Variants in MUC12 observed in about 807,000 individuals in gnomAD.
MUC12 encodes mucin-12.
MUC12 carries 172 observed loss-of-function variants against 230.8 expected under a neutral mutation model. The observed-to-expected ratio is 0.75, with a 90% CI of 0.66 to 0.85. The LOEUF (loss-of-function observed/expected upper bound fraction) is 0.85. Ranked by LOEUF, MUC12 falls within the 40% of genes least tolerant of loss-of-function variation. MUC12 has a pLI of 0.00. For synonymous variants in MUC12, 1,259 were observed against 2,401.9 expected, an observed-to-expected ratio of 0.52 and a Z score of 13.91; for missense variants, 3,506 against 5,920.6, an observed-to-expected ratio of 0.59 and a Z score of 13.38.
chr7:100,993,885 C>A lies in MUC12; in HGVS notation c.3322C>A (p.Pro1108Thr), dbSNP rs1333120848. 6.7e-7 allele frequency: 1 copy of A among 1,490,592 alleles called. No individual in the cohort carries two copies. The highest frequency in any genetic ancestry group is 2.1e-5 in the Admixed American group (1 of 47,588). The allele number at this position is 1,490,592 out of a possible 1,614,324, so 92.3% of individuals were successfully genotyped here. The change falls in exon 2 of 12, where the codon CCC becomes ACC. Residue 1108 changes from proline to threonine, a missense_variant. Transcript: ENST00000536621. ...GGCATCTACCACCTTCTACAGCAGCCCCAGATCACCAACCACAACACTCTC... is the reference window on the plus strand; with the variant it reads ...GGCATCTACCACCTTCTACAGCAGCACCAGATCACCAACCACAACACTCTC... The part of the protein sequence containing the change: ...SEASTTFYSS[P>T]RSPTTTLSPA...
Position 100,992,225 on chromosome 7 carries a change from C to A in MUC12, c.1662C>A (p.Ser554Arg), listed in dbSNP as rs375168389. 481 of 1,536,680 alleles carry A rather than the reference C, an allele frequency of 3.1e-4. No individual in the cohort carries two copies. The highest frequency in any genetic ancestry group is 6.0e-4 in the South Asian group (50 of 84,032). Residue 554 changes from serine to arginine, a missense_variant, in exon 2 of 12, where the codon AGC becomes AGA. Coordinates refer to ENST00000536621, the MANE Select transcript of MUC12 (RefSeq NM_001164462.2). ...GLSQESTASH[S>R]SPGPTDTTLS... is the part of the protein sequence containing the mutation. Reference sequence around the variant, plus strand: ...GTCAGGAATCTACAGCTTCCCACAGCAGCCCAGGCCCCACAGACACAACAT... The same window carrying A: ...GTCAGGAATCTACAGCTTCCCACAGAAGCCCAGGCCCCACAGACACAACAT...
chr7:100,992,176 G>A lies in MUC12; in HGVS notation c.1613G>A (p.Gly538Asp), dbSNP rs772138625. The change falls in exon 2 of 12, where the codon GGC becomes GAC. Residue 538 changes from glycine (G) to aspartate (D), a missense_variant. Gly to Asp is a moderately conservative substitution (Grantham distance 94). Transcript: ENST00000536621. ...PGSTHTTAFPGSTTMPGLSQE... is the reference protein window; with the variant it reads ...PGSTHTTAFPDSTTMPGLSQE... ...TCAACACACACAACAGCATTCCCTG[G>A]CAGTACCACCATGCCAGGCCTCAGT... 2 of 1,537,556 alleles carry A rather than the reference G, an allele frequency of 1.3e-6. No individual in the cohort carries two copies. Among genetic ancestry groups the A allele is most frequent in the African/African-American group, 1.4e-5 (1 of 72,904 alleles).
chr7:100,979,803 A>G (rs988494184), intron 1 of MUC12, among the ~76,000 whole-genome samples: 2 of 98,770 alleles, frequency 2.0e-5, no homozygotes, highest in African/African-American at 6.9e-5. Flanking sequence ...GTAAAATAAC[A>G]TGTATATATA....
At chr7:100,972,649 T>A (rs1792931675) in intron 1 of MUC12, among the ~76,000 whole-genome samples, 1 of 152,054 alleles carries the variant, frequency 6.6e-6, no homozygotes, top group South Asian at 2.1e-4. Context: ...ACTACAGGTG[T>A]GCGCCAACAT....
chr7:100,978,802 A>G (rs1793066396), intron 1 of MUC12, among the ~76,000 whole-genome samples: 1 of 152,204 alleles, frequency 6.6e-6, no homozygotes, highest in South Asian at 2.1e-4. Context: ...AGCTGCCTTA[A>G]TTAAATAATA....
At chr7:100,985,896 G>A (rs1275237924) in intron 1 of MUC12, among the ~76,000 whole-genome samples, 3 of 152,104 alleles carry the variant, frequency 2.0e-5, no homozygotes, top group Non-Finnish European at 2.9e-5. Flanking sequence ...CTTTGGTGCC[G>A]GCCTATCCTC....
In MUC12 at chr7:100,990,880, T is replaced by G. The variant is rs1019282056; in HGVS notation, c.317T>G (p.Val106Gly). The G allele has an allele frequency of 2.0e-6, 3 of 1,537,726 alleles. No individual in the cohort carries two copies. The highest frequency in any genetic ancestry group is 2.6e-6 in the Non-Finnish European group (3 of 1,147,052). Residue 106 changes from valine to glycine, a missense_variant, in exon 2 of 12, where the codon GTT (valine) becomes GGT (glycine). By Grantham distance (109) the Val-to-Gly change is moderately radical. Coordinates refer to ENST00000536621, the MANE Select transcript of MUC12 (RefSeq NM_001164462.2). ...TCCCACTCTGCAACCTCAGTTTTTGTTGGAGAACCTAAAACCTCACCCATC... is the reference window on the plus strand; with the variant it reads ...TCCCACTCTGCAACCTCAGTTTTTGGTGGAGAACCTAAAACCTCACCCATC... ...FPSHSATSVF[V>G]GEPKTSPITS...
chr7:101,012,101 G>A (rs992545522), intron 5 of MUC12, among the ~76,000 whole-genome samples, 195 bp from the exon 6 acceptor site: 3 of 152,110 alleles, frequency 2.0e-5, no homozygotes, highest in Non-Finnish European at 4.4e-5. Flanking sequence ...CATGATCACT[G>A]ATATGTGAGA....
chr7:101,009,089 T>G lies in MUC12; in HGVS notation c.15187-6T>G. 1 of 1,537,828 alleles carries G rather than the reference T, an allele frequency of 6.5e-7. No individual in the cohort carries two copies. Among genetic ancestry groups the G allele is most frequent in the Non-Finnish European group, 8.7e-7 (1 of 1,147,024 alleles). On this transcript the variant is annotated splice_polypyrimidine_tract_variant and splice_region_variant and intron_variant, in intron 4 of 11. Coordinates refer to ENST00000536621, the MANE Select transcript of MUC12 (RefSeq NM_001164462.2). ...TGTGTGACCTTCGCTGCCTTGTTTC[T>G]TTCAGATGGATGTCGTTTTGAAGGG...
chr7:100,991,602 G>A lies in MUC12; in HGVS notation c.1039G>A (p.Ala347Thr), dbSNP rs747034748. ...PVATATTPPPARSATSGHVEE... is the reference protein window; with the variant it reads ...PVATATTPPPTRSATSGHVEE... ...TGCAACTGCAACAACACCCCCACCT[G>A]CCCGCTCCGCGACCTCAGGCCATGT... The change falls in exon 2 of 12, where the codon GCC becomes ACC. Residue 347 changes from alanine (A) to threonine (T), a missense_variant. Transcript: ENST00000536621. The A allele has an allele frequency of 2.1e-5, 32 of 1,536,870 alleles. No individual in the cohort carries two copies. In the South Asian group the frequency reaches 3.6e-4, roughly 17 times the overall value.
intron 9 of MUC12, among the ~76,000 whole-genome samples, chr7:101,014,774 G>A (rs1351041154): frequency 2.8e-5 from 4 of 140,628 alleles, no homozygotes; most frequent in South Asian, 2.3e-4. Flanking sequence ...CACCGTGCCC[G>A]GCCTTAAATT....
intron 1 of MUC12, chr7:100,972,116 A>G (rs1181026250): frequency 1.4e-6 from 1 of 703,450 alleles, no homozygotes; most frequent in South Asian, 1.5e-5. Flanking sequence ...CTCCTCTTGC[A>G]GAGGGCTCTG....
At position 100,990,962 on chromosome 7, in the gene MUC12, G is replaced by C. The variant is rs769384579; in HGVS notation, c.399G>C (p.Leu133=). 2 of 1,537,636 alleles carry C rather than the reference G, an allele frequency of 1.3e-6. No homozygotes were observed. The highest frequency in any genetic ancestry group is 2.0e-5 in the Admixed American group (1 of 50,958). Residue 133 remains leucine (L), a synonymous_variant, in exon 2 of 12, where the codon CTG becomes CTC. Coordinates refer to ENST00000536621, the MANE Select transcript of MUC12 (RefSeq NM_001164462.2). ...ALPGSTTTAG[L]SEKSTTFYSS... is the part of the protein sequence containing the mutation. ...CTGGCAGTACCACAACAGCAGGCCT[G>C]AGTGAGAAATCTACCACCTTCTACA... is the stretch of plus-strand genomic sequence containing the variant.
Position 100,990,994 on chromosome 7 carries a change from C to A in MUC12, c.431C>A (p.Pro144His), listed in dbSNP as rs1563089258. 4 of 1,537,766 alleles carry A rather than the reference C, an allele frequency of 2.6e-6. No individual in the cohort carries two copies. Among genetic ancestry groups the A allele is most frequent in the South Asian group, 1.2e-5 (1 of 84,054 alleles). Residue 144 changes from proline to histidine, a missense_variant, in exon 2 of 12, where the codon CCC (proline) becomes CAC (histidine). Physicochemically the swap from Pro to His is moderately conservative, Grantham distance 77. Transcript: ENST00000536621. Reference protein sequence around the residue: ...SEKSTTFYSSPRSPDRTLSPA... With the variant: ...SEKSTTFYSSHRSPDRTLSPA... ...AAATCTACCACCTTCTACAGTAGCC[C>A]CAGATCACCAGACAGAACACTCTCA...
At chr7:101,008,912 G>T (rs189356499) in intron 4 of MUC12, among the ~76,000 whole-genome samples, 151 bp downstream of exon 4, 5 of 152,294 alleles carry the variant, frequency 3.3e-5, no homozygotes, top group Admixed American at 1.3e-4. Flanking sequence ...TCCTTTGAGA[G>T]CTTCCAGCCT....
At position 100,990,775 on chromosome 7, in the gene MUC12, G is replaced by A. The variant is rs1453235354; in HGVS notation, c.212G>A (p.Ser71Asn). 1 of 1,537,834 alleles carries A rather than the reference G, an allele frequency of 6.5e-7. No homozygotes were observed. ...GSTATKHFLD[S>N]STNSGHSEES... is the part of the protein sequence containing the mutation. ...ACTGCAACAAAACACTTCCTTGACA[G>A]CTCCACAAACTCAGGCCACAGTGAG... The change falls in exon 2 of 12, where the codon AGC becomes AAC. Residue 71 changes from serine to asparagine, a missense_variant. By Grantham distance (46) the Ser-to-Asn change is conservative (BLOSUM62 1). Coordinates refer to ENST00000536621, the MANE Select transcript of MUC12 (RefSeq NM_001164462.2).
intron 5 of MUC12, 80 bp downstream of exon 5, chr7:101,009,239 T>C: frequency 1.4e-6 from 2 of 1,385,378 alleles, no homozygotes; most frequent in Middle Eastern, 1.8e-4. Flanking sequence ...CTATCATGAA[T>C]GGCTAGAATA....
Position 100,990,999 on chromosome 7 carries a change from T to C in MUC12, c.436T>C (p.Ser146Pro). The change falls in exon 2 of 12, where the codon TCA becomes CCA. Residue 146 changes from serine to proline, a missense_variant. Transcript: ENST00000536621. ...KSTTFYSSPR[S>P]PDRTLSPART... ...TACCACCTTCTACAGTAGCCCCAGA[T>C]CACCAGACAGAACACTCTCACCTGC... 1 of 1,537,724 alleles carries C rather than the reference T, an allele frequency of 6.5e-7. No individual in the cohort carries two copies. The highest frequency in any genetic ancestry group is 8.7e-7 in the Non-Finnish European group (1 of 1,147,048).
intron 1 of MUC12, among the ~76,000 whole-genome samples, chr7:100,977,382 T>C (rs1226203820): frequency 6.6e-6 from 1 of 152,048 alleles, no homozygotes; most frequent in East Asian, 1.9e-4. Flanking sequence ...TTTTTTTTTT[T>C]TTGAGACGGA....
Sources: gnomAD v4.1 joint callset for allele counts (sites outside exome capture counted in the v4.1 genomes callset) on GRCh38, gnomAD v4.1.1 for gene constraint, MANE v1.5 for transcripts, NCBI Gene and HGNC (gene_info 2026-07-23, HGNC 2026-07-21) for gene names.